LPAR3: variants seen among roughly 807,000 people sequenced by gnomAD.
LPAR3 encodes the protein lysophosphatidic acid receptor 3, also known as LPA receptor 3.
In LPAR3, 7 loss-of-function variants were observed where a neutral mutation model predicts 17.8. The observed-to-expected ratio is 0.39, with a 90% CI of 0.22 to 0.74. The LOEUF (loss-of-function observed/expected upper bound fraction) is 0.74. LPAR3 is among the 30% of genes least tolerant of loss of function. The pLI is 0.40. For synonymous variants in LPAR3, 179 were observed against 179.9 expected (o/e 0.99, Z 0.04); for missense variants, 391 against 453.4 (o/e 0.86, Z 1.25).
At position 84,885,361 on chromosome 1, in the gene LPAR3, G is replaced by A. The variant is rs189632629; in HGVS notation, c.-19+7655C>T. 1.8e-3 allele frequency among the ~76,000 whole-genome samples: 272 copies of A among 152,242 alleles called. 1 individual carries two copies. The highest frequency in any genetic ancestry group is 6.1e-3 in the African/African-American group (254 of 41,532). On this transcript the variant is annotated intron_variant, in intron 1 of 2. Transcript: ENST00000370611. ...TCAGATTGATAACATTTAAACAAGC[G>A]GCTATTACTTGCCAACAAGTGTTGG...
At chr1:84,815,559 A>T (rs1437986166) in intron 2 of LPAR3, among the ~76,000 whole-genome samples, 1 of 152,218 alleles carries the variant, frequency 6.6e-6, no homozygotes, top group African/African-American at 2.4e-5. Flanking sequence ...GACAAGGATT[A>T]TAAAGAGGCA....
chr1:84,892,949 T>C (rs1660579629), intron 1 of LPAR3, 67 bp downstream of exon 1: 1 of 152,178 alleles, frequency 6.6e-6, no homozygotes, highest in Non-Finnish European at 1.5e-5. Flanking sequence ...CGCCCCGGCC[T>C]CCCCACGACG....
chr1:84,829,156 T>TG (rs1659232730), intron 2 of LPAR3, among the ~76,000 whole-genome samples: 2 of 72,250 alleles, frequency 2.8e-5, no homozygotes, highest in African/African-American at 7.4e-5. Flanking sequence ...TCTGCAATTT[T>TG]TTTTTTTTTT....
chr1:84,859,909 C>T (rs148086645), intron 2 of LPAR3, among the ~76,000 whole-genome samples: 73 of 152,312 alleles, frequency 4.8e-4, no homozygotes, highest in African/African-American at 1.6e-3. Context: ...TTAGACGTTT[C>T]CATGTGGGGT....
chr1:84,863,220 A>G (rs1428966548), intron 2 of LPAR3, among the ~76,000 whole-genome samples: 1 of 152,092 alleles, frequency 6.6e-6, no homozygotes, highest in East Asian at 1.9e-4. Context: ...GACTACAGGT[A>G]TGCACCACCA....
intron 1 of LPAR3, among the ~76,000 whole-genome samples, chr1:84,877,463 C>G (rs1660280583): frequency 6.6e-6 from 1 of 152,164 alleles, no homozygotes; most frequent in African/African-American, 2.4e-5. Flanking sequence ...GACAAAGCAG[C>G]TTGGGGGCTC....
intron 2 of LPAR3, among the ~76,000 whole-genome samples, chr1:84,828,147 C>T (rs1000653555): frequency 6.6e-6 from 1 of 152,096 alleles, no homozygotes; most frequent in African/African-American, 2.4e-5. Context: ...TGCAGGCCCT[C>T]ACTAAAAGCA....
At chr1:84,837,401 C>T (rs1396420063) in intron 2 of LPAR3, among the ~76,000 whole-genome samples, 2 of 152,142 alleles carry the variant, frequency 1.3e-5, no homozygotes, top group African/African-American at 4.8e-5. Context: ...TAGGCTAATC[C>T]CACATAGCCA....
intron 2 of LPAR3, among the ~76,000 whole-genome samples, chr1:84,852,232 A>C (rs1486352490): frequency 1.3e-5 from 2 of 151,876 alleles, no homozygotes; most frequent in African/African-American, 4.8e-5. Context: ...ACAGGTGTGC[A>C]CCACCACGCC....
chr1:84,888,173 C>T (rs71502508), intron 1 of LPAR3, among the ~76,000 whole-genome samples: 1 of 140,716 alleles, frequency 7.1e-6, no homozygotes, highest in Non-Finnish European at 1.6e-5. Context: ...CACACACACA[C>T]ACACACAGAG....
At chr1:84,853,947 C>T (rs1659768101) in intron 2 of LPAR3, among the ~76,000 whole-genome samples, 1 of 152,190 alleles carries the variant, frequency 6.6e-6, no homozygotes, top group South Asian at 2.1e-4. Flanking sequence ...TGTCTTTACA[C>T]AGGGCATGAT....
Position 84,822,926 on chromosome 1 carries a change from T to C in LPAR3, c.737-8755A>G, listed in dbSNP as rs1299650355. Among the ~76,000 whole-genome samples, 5 of 152,330 alleles carry C rather than the reference T, an allele frequency of 3.3e-5. No individual in the cohort carries two copies. The East Asian group carries it at 7.7e-4, about 23-fold the overall frequency. ...CGTAGAATACTCTCACTTTGCCACA[T>C]GGACTACTAATTTCATCACAAGGGA... On this transcript the variant is annotated intron_variant, in intron 2 of 2. Transcript: ENST00000370611.
intron 2 of LPAR3, among the ~76,000 whole-genome samples, chr1:84,821,580 T>A (rs1421547043): frequency 6.6e-6 from 1 of 152,108 alleles, no homozygotes. Flanking sequence ...TCCTGCCAAA[T>A]GAGAAAGTGA....
At chr1:84,832,242 A>G (rs1659299964) in intron 2 of LPAR3, among the ~76,000 whole-genome samples, 1 of 152,148 alleles carries the variant, frequency 6.6e-6, no homozygotes. Context: ...CTCCCCATCT[A>G]GGAACACTGA....
intron 2 of LPAR3, among the ~76,000 whole-genome samples, chr1:84,826,299 A>G (rs1659155924): frequency 1.3e-5 from 2 of 152,016 alleles, no homozygotes; most frequent in Non-Finnish European, 1.5e-5. Context: ...TGATGAAATC[A>G]TATCAGAAAA....
At chr1:84,892,070 T>C (rs1660561964) in intron 1 of LPAR3, among the ~76,000 whole-genome samples, 1 of 151,412 alleles carries the variant, frequency 6.6e-6, no homozygotes, top group Admixed American at 6.6e-5. Context: ...AAAATTAGCC[T>C]AGCGTGGTGG....
At chr1:84,848,048 A>T (rs1222415604) in intron 2 of LPAR3, among the ~76,000 whole-genome samples, 2 of 151,944 alleles carry the variant, frequency 1.3e-5, no homozygotes, top group East Asian at 3.9e-4. Flanking sequence ...CTCCCTTAAC[A>T]CCACGTTGAA....
At chr1:84,872,008 C>A (rs996964877) in intron 1 of LPAR3, among the ~76,000 whole-genome samples, 1 of 152,172 alleles carries the variant, frequency 6.6e-6, no homozygotes, top group Non-Finnish European at 1.5e-5. Flanking sequence ...TACGGTCTAT[C>A]TCCCCAACTT....
At chr1:84,828,400 A>T (rs1391498861) in intron 2 of LPAR3, among the ~76,000 whole-genome samples, 1 of 152,142 alleles carries the variant, frequency 6.6e-6, no homozygotes, top group Admixed American at 6.5e-5. Flanking sequence ...ATCATATCTA[A>T]CTTTTCCCTA....
Sources: allele counts gnomAD v4.1 joint callset (sites outside exome capture counted in the v4.1 genomes callset), GRCh38; gene constraint gnomAD v4.1.1; transcripts MANE v1.5; gene names NCBI Gene and HGNC (gene_info 2026-07-23, HGNC 2026-07-21).